The following DIAPH2 variants were observed in gnomAD, a reference collection of about 807,000 sequenced individuals.
DIAPH2 encodes diaphanous related formin 2, also known as protein diaphanous homolog 2.
A neutral mutation model predicts 92.7 loss-of-function variants in DIAPH2; 35 were observed. The observed-to-expected ratio is 0.38, with a 90% CI of 0.29 to 0.50. The LOEUF (loss-of-function observed/expected upper bound fraction) is 0.50, where lower values mean the gene tolerates loss of function less well. DIAPH2 is among the 20% of genes least tolerant of loss of function. The pLI, the probability that DIAPH2 is intolerant of heterozygous loss-of-function variation, is 0.94. For synonymous variants in DIAPH2, 301 were observed against 280.4 expected (o/e 1.07, Z -0.73); for missense variants, 701 against 819.5 (o/e 0.86, Z 1.77).
At chrX:96,804,808 A>G (rs1354538142) in intron 4 of DIAPH2, among the ~76,000 whole-genome samples, 1 of 111,789 alleles carries the variant, frequency 8.9e-6, no homozygotes, top group Non-Finnish European at 1.9e-5. Flanking sequence ...ATCATCTTGA[A>G]AAAGTAATTG....
At chrX:97,251,196 T>C (rs917146022) in intron 23 of DIAPH2, among the ~76,000 whole-genome samples, 8 of 112,107 alleles carry the variant, frequency 7.1e-5, no homozygotes, top group Non-Finnish European at 1.5e-4. Context: ...CATACAAATT[T>C]ATTTAATGTG....
Position 97,313,317 on chromosome X carries a change from C to T in DIAPH2, c.2845-34799C>T, listed in dbSNP as rs145441662. On this transcript the variant is annotated intron_variant, in intron 23 of 26. Coordinates refer to ENST00000324765, the MANE Select transcript of DIAPH2 (RefSeq NM_006729.5). ...TGCTGGCAAAAATAATCAAGCTTTC[C>T]TGTTACACTGATTGATACTGGGTCT... Among the ~76,000 whole-genome samples the T allele has an allele frequency of 8.7e-3, 977 of 111,933 alleles. 13 individuals are homozygous for T. The highest frequency in any genetic ancestry group is 0.03 in the African/African-American group (915 of 30,894).
chrX:97,266,136 A>G (rs1332749485), intron 23 of DIAPH2, among the ~76,000 whole-genome samples: 1 of 111,223 alleles, frequency 9.0e-6, no homozygotes, highest in South Asian at 3.8e-4. Flanking sequence ...ATTCTGATTG[A>G]CCCTTTGTAC....
chrX:97,238,132 C>T (rs1484154611), intron 22 of DIAPH2, among the ~76,000 whole-genome samples: 1 of 112,248 alleles, frequency 8.9e-6, no homozygotes, highest in Non-Finnish European at 1.9e-5. Flanking sequence ...CTGTCCACTA[C>T]TGTTGGTTTG....
At chrX:96,794,708 G>A (rs2064526098) in intron 4 of DIAPH2, among the ~76,000 whole-genome samples, 1 of 111,748 alleles carries the variant, frequency 8.9e-6, no homozygotes, top group Non-Finnish European at 1.9e-5. Context: ...GTGATTGATT[G>A]TATTAGTTTT....
intron 4 of DIAPH2, among the ~76,000 whole-genome samples, chrX:96,869,550 C>T (rs2065125364): frequency 1.2e-5 from 1 of 80,352 alleles, no homozygotes; most frequent in Non-Finnish European, 2.2e-5. Context: ...AATACTGCTA[C>T]TACTACCACT....
chrX:96,744,277 C>A (rs2064136659), intron 3 of DIAPH2, among the ~76,000 whole-genome samples: 1 of 111,936 alleles, frequency 8.9e-6, no homozygotes, highest in South Asian at 3.7e-4. Flanking sequence ...TTCAATTGAT[C>A]CTTATGACAG....
At chrX:97,564,982 T>C (rs1046702736) in intron 26 of DIAPH2, among the ~76,000 whole-genome samples, 1 of 112,255 alleles carries the variant, frequency 8.9e-6, no homozygotes, top group Non-Finnish European at 1.9e-5. Context: ...GCTTTAGTTT[T>C]AAAAATATTT....
chrX:96,888,993 A>C (rs1388415729), intron 5 of DIAPH2, among the ~76,000 whole-genome samples: 2 of 111,489 alleles, frequency 1.8e-5, no homozygotes, highest in Non-Finnish European at 3.8e-5. Flanking sequence ...CACTGTCATC[A>C]CATACTGAAT....
intron 24 of DIAPH2, among the ~76,000 whole-genome samples, chrX:97,371,843 GT>G (rs1265008766): frequency 9.0e-6 from 1 of 111,538 alleles, no homozygotes; most frequent in Non-Finnish European, 1.9e-5. Flanking sequence ...TCCCCAAGAT[GT>G]TTTTTCATTA....
chrX:96,837,339 G>C (rs1461999670), intron 4 of DIAPH2, among the ~76,000 whole-genome samples: 2 of 108,681 alleles, frequency 1.8e-5, no homozygotes, highest in Non-Finnish European at 3.8e-5. Flanking sequence ...TCGCTGATAA[G>C]TGGCTTTCTC....
chrX:96,812,685 G>C (rs878901386), intron 4 of DIAPH2, among the ~76,000 whole-genome samples: 1 of 111,832 alleles, frequency 8.9e-6, no homozygotes, highest in Non-Finnish European at 1.9e-5. Flanking sequence ...TCTACACACT[G>C]CATTAAATGT....
intron 26 of DIAPH2, among the ~76,000 whole-genome samples, chrX:97,536,821 C>T (rs989468929): frequency 4.5e-5 from 5 of 110,934 alleles, no homozygotes; most frequent in African/African-American, 6.5e-5. Flanking sequence ...AAAAATTATA[C>T]GAAATTGTAC....
intron 21 of DIAPH2, among the ~76,000 whole-genome samples, chrX:97,129,780 A>T (rs755143826): frequency 9.0e-6 from 1 of 111,188 alleles, no homozygotes; most frequent in Non-Finnish European, 1.9e-5. Flanking sequence ...TACAAGAATG[A>T]TCACATAATC....
At chrX:97,266,192 G>A (rs754373436) in intron 23 of DIAPH2, among the ~76,000 whole-genome samples, 2 of 111,945 alleles carry the variant, frequency 1.8e-5, no homozygotes, top group African/African-American at 6.5e-5. Context: ...CAGAAACTGT[G>A]TCAGATGCTA....
chrX:97,437,499 T>C (rs1047876363), intron 26 of DIAPH2, among the ~76,000 whole-genome samples: 1 of 110,903 alleles, frequency 9.0e-6, no homozygotes, highest in Non-Finnish European at 1.9e-5. Context: ...AATTTCATAA[T>C]ATAAGTGTTC....
intron 17 of DIAPH2, among the ~76,000 whole-genome samples, chrX:96,975,996 C>T (rs1175931972): frequency 9.5e-6 from 1 of 104,836 alleles, no homozygotes; most frequent in Non-Finnish European, 1.9e-5. Context: ...TCCCTCCCTC[C>T]TTCCCTCTCT....
intron 5 of DIAPH2, among the ~76,000 whole-genome samples, 190 bp downstream of exon 5, chrX:96,881,908 T>C (rs1478098951): frequency 1.8e-5 from 2 of 111,940 alleles, no homozygotes; most frequent in Middle Eastern, 4.7e-3. Context: ...GGATCTCTAG[T>C]AATGTACAAT....
intron 4 of DIAPH2, among the ~76,000 whole-genome samples, chrX:96,830,243 C>T (rs2064842970): frequency 9.0e-6 from 1 of 111,051 alleles, no homozygotes; most frequent in Non-Finnish European, 1.9e-5. Context: ...TGGCAAAGGG[C>T]TCATTATCTT....
Sources: gnomAD v4.1 joint callset for allele counts (sites outside exome capture counted in the v4.1 genomes callset) on GRCh38, gnomAD v4.1.1 for gene constraint, MANE v1.5 for transcripts, NCBI Gene and HGNC (gene_info 2026-07-23, HGNC 2026-07-21) for gene names.